Variants in RXRA observed in about 807,000 individuals in gnomAD.
RXRA encodes the protein retinoic acid receptor RXR-alpha.
RXRA carries 5 observed loss-of-function variants against 44.5 expected under a neutral mutation model. The observed-to-expected ratio is 0.11, with a 90% CI of 0.06 to 0.24. RXRA has a LOEUF of 0.24. Ranked by LOEUF, RXRA falls within the 10% of genes least tolerant of loss-of-function variation. The pLI is 1.00. For missense variants in RXRA, 412 were observed against 646.5 expected (o/e 0.64, Z 3.93); for synonymous variants, 291 against 271.4 (o/e 1.07, Z -0.71).
chr9:134,344,762 C>CTGTGTGCTGCACTCTGCAA, intron 1 of RXRA, among the ~76,000 whole-genome samples: 1 of 152,216 alleles, frequency 6.6e-6, no homozygotes, highest in Non-Finnish European at 1.5e-5. Context: ...CAACCAGCTT[C>CTGTGTGCTGCACTCTGCAA]CCACTCTGAC....
At chr9:134,415,412 G>T (rs1166782506) in intron 4 of RXRA, among the ~76,000 whole-genome samples, 3 of 131,498 alleles carry the variant, frequency 2.3e-5, no homozygotes, top group African/African-American at 8.7e-5. Context: ...CAGGGAGGGT[G>T]CCACAGGCAC....
intron 1 of RXRA, among the ~76,000 whole-genome samples, chr9:134,345,025 G>A (rs1483695479): frequency 2.6e-5 from 4 of 152,164 alleles, no homozygotes; most frequent in East Asian, 1.9e-4. Context: ...TGGGGACAGC[G>A]GCCAGAATCA....
In RXRA at chr9:134,336,029, C is replaced by T. The variant is rs540487967; in HGVS notation, c.28+9370C>T. Among the ~76,000 whole-genome samples, 104 of 152,230 alleles carry T rather than the reference C, an allele frequency of 6.8e-4. 1 individual carries two copies. Among genetic ancestry groups the T allele is most frequent in the Non-Finnish European group, 1.4e-3 (97 of 67,990 alleles). ...GACCGTGAGCAGAGTCCACGGGAGGCGGTGGAGCTGCCCCTACCCCACCCC... is the reference window on the plus strand; with the variant it reads ...GACCGTGAGCAGAGTCCACGGGAGGTGGTGGAGCTGCCCCTACCCCACCCC... On this transcript the variant is annotated intron_variant, in intron 1 of 9. Coordinates refer to ENST00000481739, the MANE Select transcript of RXRA (RefSeq NM_002957.6).
rs1011647906 is a variant in RXRA, at chr9:134,426,920, C to G, written c.911-2188C>G. ...TGTGGGAAGGGAGGGAGAGCCCTTT[C>G]CTAGGAGAGCATTTGCTCTCACTGG... On this transcript the variant is annotated intron_variant, in intron 6 of 9. Coordinates refer to ENST00000481739, the MANE Select transcript of RXRA (RefSeq NM_002957.6). The surrounding 1 kb of genome is among the most constrained non-coding windows in gnomAD (Gnocchi z 4.6). The G allele has an allele frequency of 5.1e-6, 5 of 985,212 alleles. No homozygotes were observed. The highest frequency in any genetic ancestry group is 6.0e-6 in the Non-Finnish European group (5 of 829,918). The allele number at this position is 985,212 out of a possible 1,614,324, so 61.0% of individuals were successfully genotyped here.
At chr9:134,344,597 C>A (rs1554748505) in intron 1 of RXRA, among the ~76,000 whole-genome samples, 1 of 152,154 alleles carries the variant, frequency 6.6e-6, no homozygotes, top group African/African-American at 2.4e-5. Context: ...GGCCCTGGAG[C>A]CCTCTCCTCC....
intron 1 of RXRA, among the ~76,000 whole-genome samples, chr9:134,359,586 A>G (rs1830324287): frequency 6.6e-6 from 1 of 152,022 alleles, no homozygotes; most frequent in Non-Finnish European, 1.5e-5. Context: ...GGAAGGGGCT[A>G]CCTTGACCTC....
intron 4 of RXRA, among the ~76,000 whole-genome samples, 154 bp downstream of exon 4, chr9:134,409,273 C>T (rs1831108811): frequency 6.6e-6 from 1 of 152,146 alleles, no homozygotes; most frequent in Non-Finnish European, 1.5e-5. Flanking sequence ...GGGCCCAGCG[C>T]GTGGGCACAC....
intron 1 of RXRA, chr9:134,401,380 C>A (rs1246237483): frequency 7.2e-6 from 4 of 557,524 alleles, no homozygotes; most frequent in Non-Finnish European, 9.4e-6. Flanking sequence ...GCGGGTTCTT[C>A]CTGCGTCTGC....
rs1037722736 is a variant in RXRA, at chr9:134,427,138, T to C, written c.911-1970T>C. ...TCTTCTAGATTAGACTTCTCCCAAA[T>C]GTGATGCTACAGATGTTTCATTGGG... On this transcript the variant is annotated intron_variant, in intron 6 of 9. Coordinates refer to ENST00000481739, the MANE Select transcript of RXRA (RefSeq NM_002957.6). The C allele has an allele frequency of 7.1e-6, 7 of 982,778 alleles. No homozygotes were observed. The African/African-American group carries it at 1.1e-4, about 15-fold the overall frequency. The allele number at this position is 982,778 out of a possible 1,614,324, so 60.9% of individuals were successfully genotyped here.
In RXRA at chr9:134,365,129, G is replaced by A. The variant is rs993832984; in HGVS notation, c.29-36503G>A. ...GGGGGCGGGGTGAGCCAATGGCTCC[G>A]GGGCCACCACAGAGGCGGCTGTTGC... On this transcript the variant is annotated intron_variant, in intron 1 of 9. Transcript: ENST00000481739. This position sits in a 1 kb window ranked among gnomAD's most constrained non-coding sequence, Gnocchi z 4.0. Among the ~76,000 whole-genome samples the A allele has an allele frequency of 2.0e-5, 3 of 152,212 alleles. No individual in the cohort carries two copies. Among genetic ancestry groups the A allele is most frequent in the African/African-American group, 7.2e-5 (3 of 41,458 alleles).
At chr9:134,431,716 G>GGGC (rs1157484174) in intron 7 of RXRA, among the ~76,000 whole-genome samples, 189 bp from the exon 8 acceptor site, 1 of 151,850 alleles carries the variant, frequency 6.6e-6, no homozygotes, top group Non-Finnish European at 1.5e-5. Flanking sequence ...GGCCTGGCAG[G>GGGC]GGCGGCACCT....
chr9:134,344,610 A>G (rs1204362460), intron 1 of RXRA, among the ~76,000 whole-genome samples: 2 of 151,604 alleles, frequency 1.3e-5, no homozygotes, highest in Admixed American at 6.6e-5. Flanking sequence ...TCTCCTCCCC[A>G]CCTCCCGGGC....
intron 1 of RXRA, among the ~76,000 whole-genome samples, chr9:134,352,833 C>G (rs1830238157): frequency 6.6e-6 from 1 of 152,146 alleles, no homozygotes. Context: ...ATCCAGGGCT[C>G]TTGGGTCTCT....
At chr9:134,391,616 A>G (rs1198402905) in intron 1 of RXRA, among the ~76,000 whole-genome samples, 1 of 152,112 alleles carries the variant, frequency 6.6e-6, no homozygotes, top group African/African-American at 2.4e-5. Flanking sequence ...ACGGCCTGGA[A>G]GGGAGGCTGC....
chr9:134,354,920 G>A (rs1564267180), intron 1 of RXRA, among the ~76,000 whole-genome samples: 1 of 152,246 alleles, frequency 6.6e-6, no homozygotes, highest in Non-Finnish European at 1.5e-5. Flanking sequence ...AGAAGCCACT[G>A]GGAAGCCGTG....
intron 1 of RXRA, among the ~76,000 whole-genome samples, chr9:134,352,145 A>G (rs1324385268): frequency 2.6e-5 from 4 of 152,092 alleles, no homozygotes; most frequent in African/African-American, 4.8e-5. Context: ...GGTTCTGGGC[A>G]TGGGATGAGG....
Position 134,401,747 on chromosome 9 carries a change from T to G in RXRA, c.144T>G (p.His48Gln), listed in dbSNP as rs148220148. ...GCATCGGCTCCCCGGGACAGCTGCATTCTCCCATCAGCACCCTGAGCTCCC... is the reference window on the plus strand; with the variant it reads ...GCATCGGCTCCCCGGGACAGCTGCAGTCTCCCATCAGCACCCTGAGCTCCC... ...GPGIGSPGQL[H>Q]SPISTLSSPI... The change falls in exon 2 of 10, where the codon CAT (histidine) becomes CAG (glutamine). Residue 48 changes from histidine (H) to glutamine (Q), a missense_variant. Around this residue, in one of 4 missense-constraint regions of RXRA, gnomAD observed 156 missense variants for 177.2 expected, o/e 0.88. Transcript: ENST00000481739. The G allele has an allele frequency of 2.4e-5, 38 of 1,613,008 alleles. No homozygotes were observed. The African/African-American group carries it at 4.0e-4, about 17-fold the overall frequency.
intron 1 of RXRA, among the ~76,000 whole-genome samples, chr9:134,377,080 G>A (rs1476948628): frequency 6.6e-6 from 1 of 152,226 alleles, no homozygotes; most frequent in Non-Finnish European, 1.5e-5. Context: ...GTGAGGGGCT[G>A]GCACTGGGAA....
chr9:134,422,886 A>G, intron 6 of RXRA: 1 of 985,456 alleles, frequency 1.0e-6, no homozygotes, highest in Non-Finnish European at 1.2e-6. Context: ...CAGGAGAGCC[A>G]CGTGCTCTCT....
Sources: allele counts gnomAD v4.1 joint callset (sites outside exome capture counted in the v4.1 genomes callset), GRCh38; gene constraint gnomAD v4.1.1; regional missense constraint gnomAD v4.1.1; non-coding constraint Gnocchi (gnomAD v3.1); transcripts MANE v1.5; gene names NCBI Gene and HGNC (gene_info 2026-07-23, HGNC 2026-07-21).